The following GBP4 variants were observed in gnomAD, a reference collection of about 807,000 sequenced individuals.
The protein encoded by GBP4 is guanylate binding protein 4, also known as guanylate-binding protein 4.
In GBP4, 69 loss-of-function variants were observed where a neutral mutation model predicts 62.2. The ratio of observed to expected loss-of-function variants is 1.11; its 90% CI spans 0.91 to 1.36. GBP4 has a LOEUF of 1.36. GBP4 is among the 40% of genes most tolerant of loss of function. GBP4 has a pLI of 0.00. For missense variants in GBP4, 697 were observed against 759.3 expected (o/e 0.92, Z 0.96); for synonymous variants, 278 against 274.6 (o/e 1.01, Z -0.12).
Position 89,190,261 on chromosome 1 carries a change from C to G in GBP4, c.974G>C (p.Cys325Ser). 6.2e-7 allele frequency: 1 copy of G among 1,614,178 alleles called. No individual in the cohort carries two copies. Among genetic ancestry groups the G allele is most frequent in the Non-Finnish European group, 8.5e-7 (1 of 1,180,022 alleles). The change falls in exon 7 of 11, where the codon TGT (cysteine) becomes TCT (serine). Residue 325 changes from cysteine (C) to serine (S), a missense_variant. Physicochemically the swap from Cys to Ser is moderately radical, Grantham distance 112. Around this residue, in one of 2 missense-constraint regions of GBP4, gnomAD observed 556 missense variants for 562.7 expected, o/e 0.99. Transcript: ENST00000355754. ...VDAINSGAVP[C>S]LENAVTALAQ... Reference sequence around the variant, plus strand: ...CAGTGCTGTCACTGCATTCTCCAGACAAGGTACTGCTCCACTGTTGATGGC... The same window carrying G: ...CAGTGCTGTCACTGCATTCTCCAGAGAAGGTACTGCTCCACTGTTGATGGC...
At chr1:89,187,154 T>A (rs1287775939) in intron 8 of GBP4, 52 bp from the exon 9 acceptor site, 2 of 1,402,078 alleles carry the variant, frequency 1.4e-6, no homozygotes, top group African/African-American at 2.8e-5. Context: ...GGTCTCATCT[T>A]ATGATGGCGA....
chr1:89,186,381 C>T lies in GBP4; in HGVS notation c.1659G>A (p.Arg553=), dbSNP rs1356884241. ...TTTCATGCTCTCTGAGAAGGTTTTC[C>T]CTTTCCTCCTCCAACTTCTTCTCCA... ...AQMEKKLEEE[R]ENLLREHERL... Residue 553 remains arginine (R), a synonymous_variant, in exon 10 of 11, where the codon AGG becomes AGA. Transcript: ENST00000355754. The T allele has an allele frequency of 7.7e-6, 12 of 1,565,162 alleles. No homozygotes were observed. Among genetic ancestry groups the T allele is most frequent in the Non-Finnish European group, 9.7e-6 (11 of 1,134,768 alleles).
intron 1 of GBP4, among the ~76,000 whole-genome samples, chr1:89,198,219 C>G (rs894406867): frequency 2.6e-5 from 4 of 152,104 alleles, no homozygotes; most frequent in Middle Eastern, 3.4e-3. Context: ...CGGGCGAATT[C>G]CTGGGAACTG....
intron 5 of GBP4, among the ~76,000 whole-genome samples, chr1:89,192,525 C>T (rs1648213879): frequency 6.6e-6 from 1 of 152,018 alleles, no homozygotes; most frequent in African/African-American, 2.4e-5. Context: ...TACCAGCTTC[C>T]AAGCTTATTA....
chr1:89,189,968 G>C, intron 7 of GBP4, 70 bp downstream of exon 7: 1 of 1,450,562 alleles, frequency 6.9e-7, no homozygotes, highest in Non-Finnish European at 9.5e-7. Context: ...TGAACCATGG[G>C]GTCAAAAAGC....
rs985910768 is a variant in GBP4, at chr1:89,193,243, G to T, written c.473+60C>A. ...ACTGAGTCACAGCAAAGAAGACACAGTATCAATTCCCATTCCCCTAAACCC... is the reference window on the plus strand; with the variant it reads ...ACTGAGTCACAGCAAAGAAGACACATTATCAATTCCCATTCCCCTAAACCC... On this transcript the variant is annotated intron_variant, in intron 4 of 10. Transcript: ENST00000355754. The T allele has an allele frequency of 1.9e-6, 3 of 1,556,570 alleles. No homozygotes were observed. The African/African-American group carries it at 4.1e-5, about 21-fold the overall frequency.
chr1:89,191,633 T>A, intron 5 of GBP4, 127 bp from the exon 6 acceptor site: 1 of 929,206 alleles, frequency 1.1e-6, no homozygotes, highest in Non-Finnish European at 1.6e-6. Context: ...TATGCAATCA[T>A]ACAAAACAGC....
rs199765361 is a variant in GBP4 at position 89,185,262 on chromosome 1, G to T, written c.1915C>A (p.Arg639Ser). 3.8e-6 allele frequency: 6 copies of T among 1,591,954 alleles called. No homozygotes were observed. Among genetic ancestry groups the T allele is most frequent in the Non-Finnish European group, 5.2e-6 (6 of 1,160,966 alleles). The change falls in exon 11 of 11, where the codon CGT becomes AGT. Residue 639 changes from arginine to serine, a missense_variant. Coordinates refer to ENST00000355754, the MANE Select transcript of GBP4 (RefSeq NM_052941.5). ...CTGGAATATTCAGGCTCTTAAATAC[G>T]TGAGCCAAGATATTTTGTCCCTACT... ...LGVGTKYLGS[R>S]I is the part of the protein sequence containing the mutation.
At chr1:89,196,397 G>T (rs1001201645) in intron 2 of GBP4, among the ~76,000 whole-genome samples, 2 of 152,126 alleles carry the variant, frequency 1.3e-5, no homozygotes, top group Non-Finnish European at 2.9e-5. Context: ...ATATTATGTA[G>T]AACCATTTTT....
chr1:89,193,000 T>C lies in GBP4; in HGVS notation c.574A>G (p.Ile192Val), dbSNP rs535788014. ...SEFASFFPDF[I>V]WTVRDFTLEL... ...AGGGTAAAATCCCGAACAGTCCAAA[T>C]AAAGTCTGGAAAGAAACTCGCAAAC... is the stretch of plus-strand genomic sequence containing the variant. Residue 192 changes from isoleucine (I) to valine (V), a missense_variant, in exon 5 of 11, where the codon ATT becomes GTT. Transcript: ENST00000355754. The C allele has an allele frequency of 4.3e-6, 7 of 1,614,120 alleles. No homozygotes were observed. Among genetic ancestry groups the C allele is most frequent in the Non-Finnish European group, 4.2e-6 (5 of 1,180,010 alleles).
chr1:89,185,580 C>T (rs2100672999), intron 10 of GBP4, 111 bp from the exon 11 acceptor site: 2 of 639,074 alleles, frequency 3.1e-6, no homozygotes, highest in South Asian at 3.9e-5. Context: ...TCTCTATTAT[C>T]TTAGAAAACG....
intron 1 of GBP4, 135 bp downstream of exon 1, chr1:89,198,660 G>C: frequency 3.8e-6 from 3 of 779,638 alleles, no homozygotes; most frequent in Non-Finnish European, 4.5e-6. Context: ...TTCCCCGCGA[G>C]GTTCCTCCAC....
At chr1:89,190,380 G>A in intron 6 of GBP4, 62 bp from the exon 7 acceptor site, 2 of 1,413,270 alleles carry the variant, frequency 1.4e-6, no homozygotes, top group South Asian at 3.2e-5. Flanking sequence ...CAAGTTTTAA[G>A]AGTCAGCATT....
At chr1:89,189,964 A>G (rs1648135777) in intron 7 of GBP4, 74 bp downstream of exon 7, 1 of 1,434,702 alleles carries the variant, frequency 7.0e-7, no homozygotes, top group Non-Finnish European at 9.6e-7. Flanking sequence ...GAGATGAACC[A>G]TGGGGTCAAA....
chr1:89,197,240 C>T lies in GBP4; in HGVS notation c.105G>A (p.Gln35=). The part of the protein sequence containing the change: ...PICLVENQEE[Q]LTVNSKALEI... ...CTAATGCCTTTGAATTCACTGTCAGCTGCTCTTCCTGGTTTTCCACTAGAC... is the reference window on the plus strand; with the variant it reads ...CTAATGCCTTTGAATTCACTGTCAGTTGCTCTTCCTGGTTTTCCACTAGAC... Residue 35 remains glutamine, a synonymous_variant, in exon 2 of 11, where the codon CAG becomes CAA. Transcript: ENST00000355754. The T allele has an allele frequency of 6.2e-7, 1 of 1,614,186 alleles. No individual in the cohort carries two copies.
chr1:89,195,187 T>A, intron 3 of GBP4, 110 bp downstream of exon 3: 1 of 1,118,690 alleles, frequency 8.9e-7, no homozygotes, highest in Non-Finnish European at 1.3e-6. Flanking sequence ...TTTAGCCTCA[T>A]TATTCATAAT....
intron 1 of GBP4, 23 bp downstream of exon 1, chr1:89,198,772 G>A (rs1348112108): frequency 1.9e-6 from 3 of 1,604,682 alleles, no homozygotes; most frequent in Non-Finnish European, 1.7e-6. Flanking sequence ...TACTTGAAAG[G>A]TAAAGCTTAA....
chr1:89,183,393 A>C lies in GBP4; in HGVS notation c.*1861T>G, dbSNP rs1203926973. On this transcript the variant is annotated 3_prime_UTR_variant, in exon 11 of 11. Coordinates refer to ENST00000355754, the MANE Select transcript of GBP4 (RefSeq NM_052941.5). The stretch of plus-strand genomic sequence containing the variant: ...GCCCCCAGCTTACTCTGCATACAAA[A>C]ATCAACTTAAGAAGGATTAAAGACT... 2 of 152,222 alleles carry C rather than the reference A, an allele frequency of 1.3e-5. No individual in the cohort carries two copies. The highest frequency in any genetic ancestry group is 4.8e-5 in the African/African-American group (2 of 41,456). 9.4% of individuals were successfully genotyped at this position (152,222 alleles called of 1,614,324 possible).
intron 10 of GBP4, 41 bp downstream of exon 10, chr1:89,186,292 G>A (rs781450603): frequency 1.5e-5 from 23 of 1,535,030 alleles, no homozygotes; most frequent in Admixed American, 1.7e-5. Context: ...AAGAAGCAGG[G>A]CATTGTCCCT....
Sources: gnomAD v4.1 joint callset for allele counts (sites outside exome capture counted in the v4.1 genomes callset) on GRCh38, gnomAD v4.1.1 for gene constraint, gnomAD v4.1.1 regional missense constraint, MANE v1.5 for transcripts, NCBI Gene and HGNC (gene_info 2026-07-23, HGNC 2026-07-21) for gene names.